Variants in PTPRM observed in about 807,000 individuals in gnomAD.
The protein encoded by PTPRM is receptor-type tyrosine-protein phosphatase mu.
In PTPRM, 47 loss-of-function variants were observed where a neutral mutation model predicts 186.7. The ratio of observed to expected loss-of-function variants is 0.25; its 90% CI spans 0.20 to 0.32. The LOEUF is 0.32. Among genes scored for constraint, PTPRM ranks in the 10% least tolerant of loss-of-function variants. The probability of loss-of-function intolerance (pLI) is 1.00; values close to 1 mark genes in which losing one functional copy is unlikely to be tolerated. For synonymous variants in PTPRM, 668 were observed against 674.9 expected (o/e 0.99, Z 0.16); for missense variants, 1,494 against 1,865.0 (o/e 0.80, Z 3.66).
intron 1 of PTPRM, among the ~76,000 whole-genome samples, chr18:7,687,755 G>A (rs1860298026): frequency 1.3e-5 from 2 of 151,734 alleles, no homozygotes. Context: ...TGTTTGCATG[G>A]AGCATAAACA....
At chr18:7,772,516 A>AT (rs1303978163) in intron 1 of PTPRM, among the ~76,000 whole-genome samples, 3 of 61,198 alleles carry the variant, frequency 4.9e-5, no homozygotes, top group African/African-American at 7.8e-5. Flanking sequence ...TTTTTTTTCT[A>AT]TTTTTTCACA....
intron 1 of PTPRM, among the ~76,000 whole-genome samples, chr18:7,598,839 C>T (rs565167441): frequency 2.0e-5 from 3 of 148,402 alleles, no homozygotes; most frequent in Non-Finnish European, 3.0e-5. Flanking sequence ...TGTCCCTTGG[C>T]GCGGTAGCCA....
In PTPRM at chr18:8,143,794, G is replaced by A. The variant is rs903936213; in HGVS notation, c.2300+15G>A. On this transcript the variant is annotated intron_variant, in intron 14 of 32. Coordinates refer to ENST00000580170, the MANE Select transcript of PTPRM (RefSeq NM_001105244.2). ...ATGAAGAAAAGGTGAGCTCCTAGCTGTTGCCAAAGATACAGTTATATCCCA... is the reference window on the plus strand; with the variant it reads ...ATGAAGAAAAGGTGAGCTCCTAGCTATTGCCAAAGATACAGTTATATCCCA... The A allele has an allele frequency of 9.3e-6, 15 of 1,613,236 alleles. No individual in the cohort carries two copies. Among genetic ancestry groups the A allele is most frequent in the Admixed American group, 3.3e-5 (2 of 59,994 alleles).
At chr18:7,700,337 G>A (rs554537211) in intron 1 of PTPRM, among the ~76,000 whole-genome samples, 51 of 152,280 alleles carry the variant, frequency 3.3e-4, no homozygotes, top group African/African-American at 1.1e-3. Context: ...TTTATGCCTT[G>A]TAGAACCCAG....
chr18:7,911,820 G>GT (rs2050279580), intron 4 of PTPRM, among the ~76,000 whole-genome samples: 1 of 105,764 alleles, frequency 9.5e-6, no homozygotes, highest in African/African-American at 3.8e-5. Flanking sequence ...GCTTTTCTGT[G>GT]TTTTTTCCAG....
chr18:7,673,720 A>G (rs1046775648), intron 1 of PTPRM, among the ~76,000 whole-genome samples: 2 of 152,264 alleles, frequency 1.3e-5, no homozygotes, highest in African/African-American at 4.8e-5. Flanking sequence ...AGCCTTGCTT[A>G]TAAAAAAAGA....
intron 20 of PTPRM, among the ~76,000 whole-genome samples, chr18:8,312,701 A>G (rs1368656885): frequency 2.0e-5 from 3 of 152,132 alleles, no homozygotes; most frequent in Non-Finnish European, 4.4e-5. Context: ...CTAACCCACC[A>G]GCAGCGATTC....
intron 1 of PTPRM, among the ~76,000 whole-genome samples, chr18:7,659,835 A>T (rs1224849044): frequency 6.6e-6 from 1 of 152,178 alleles, no homozygotes; most frequent in Non-Finnish European, 1.5e-5. Context: ...AAACTTGCTT[A>T]ATCTAGTGCA....
intron 14 of PTPRM, among the ~76,000 whole-genome samples, chr18:8,174,136 A>G (rs2093447812): frequency 6.6e-6 from 1 of 152,080 alleles, no homozygotes; most frequent in Admixed American, 6.5e-5. Flanking sequence ...GGGAAGTTGC[A>G]AATCTTGTCA....
intron 13 of PTPRM, among the ~76,000 whole-genome samples, chr18:8,126,025 A>ATTTTTTTTTTTTT (rs1215694977): frequency 1.0e-4 from 6 of 57,248 alleles, no homozygotes; most frequent in South Asian, 6.2e-4. Flanking sequence ...ATATATATAT[A>ATTTTTTTTTTTTT]TATTTTAAAT....
chr18:7,779,556 T>C (rs1319465583), intron 2 of PTPRM, among the ~76,000 whole-genome samples: 3 of 152,230 alleles, frequency 2.0e-5, no homozygotes, highest in Non-Finnish European at 4.4e-5. Flanking sequence ...GACAAAGTAA[T>C]TGAAGTTTTC....
chr18:7,907,428 A>T (rs1407030109), intron 4 of PTPRM, among the ~76,000 whole-genome samples: 1 of 152,232 alleles, frequency 6.6e-6, no homozygotes, highest in African/African-American at 2.4e-5. Context: ...AAGTGAGGCT[A>T]CGCAAGCAGC....
At chr18:7,703,882 A>G (rs2144728104) in intron 1 of PTPRM, among the ~76,000 whole-genome samples, 1 of 152,276 alleles carries the variant, frequency 6.6e-6, no homozygotes, top group African/African-American at 2.4e-5. Context: ...TTTAGCATGA[A>G]GGGGTGTTGA....
rs921534324 is a variant in PTPRM, at chr18:8,303,226, G to T, written c.2842+6771G>T. Among the ~76,000 whole-genome samples the T allele has an allele frequency of 2.6e-5, 4 of 152,228 alleles. No homozygotes were observed. In the South Asian group the frequency reaches 8.3e-4, roughly 32 times the overall value. On this transcript the variant is annotated intron_variant, in intron 20 of 32. Coordinates refer to ENST00000580170, the MANE Select transcript of PTPRM (RefSeq NM_001105244.2). ...TAGTGTCCTGTTGGTAGATCTAGTAGATCTAGTACAGCAGAGACTCTGATG... is the reference window on the plus strand; with the variant it reads ...TAGTGTCCTGTTGGTAGATCTAGTATATCTAGTACAGCAGAGACTCTGATG...
intron 1 of PTPRM, among the ~76,000 whole-genome samples, chr18:7,695,195 C>T (rs2039817557): frequency 6.6e-6 from 1 of 152,218 alleles, no homozygotes; most frequent in African/African-American, 2.4e-5. Context: ...CCAGTAAAAT[C>T]ACTTATCAAG....
intron 32 of PTPRM, among the ~76,000 whole-genome samples, chr18:8,400,868 G>A (rs668798): frequency 0.41 from 61,375 of 149,056 alleles, 12,605 homozygotes; most frequent in Non-Finnish European, 0.44. Context: ...CCTATTTAAC[G>A]GCTGTGCATG....
chr18:7,657,044 A>G (rs1244316474), intron 1 of PTPRM, among the ~76,000 whole-genome samples: 1 of 152,196 alleles, frequency 6.6e-6, no homozygotes, highest in Non-Finnish European at 1.5e-5. Flanking sequence ...CCGACATACA[A>G]TGACCCTTTT....
At chr18:8,198,915 G>A (rs2093815644) in intron 14 of PTPRM, among the ~76,000 whole-genome samples, 1 of 152,062 alleles carries the variant, frequency 6.6e-6, no homozygotes, top group Admixed American at 6.5e-5. Context: ...AATTATTATT[G>A]AGCAGACAAA....
At chr18:7,659,956 T>C (rs1408177086) in intron 1 of PTPRM, among the ~76,000 whole-genome samples, 1 of 152,164 alleles carries the variant, frequency 6.6e-6, no homozygotes. Flanking sequence ...CTGTGGACAG[T>C]TTGGCTTGAA....
Sources: gnomAD v4.1 joint callset for allele counts (sites outside exome capture counted in the v4.1 genomes callset) on GRCh38, gnomAD v4.1.1 for gene constraint, MANE v1.5 for transcripts, NCBI Gene and HGNC (gene_info 2026-07-23, HGNC 2026-07-21) for gene names.